The following NELL1 variants were observed in gnomAD, a reference collection of about 807,000 sequenced individuals.
NELL1 encodes the protein protein kinase C-binding protein NELL1.
NELL1 carries 76 observed loss-of-function variants against 107.4 expected under a neutral mutation model. The ratio of observed to expected loss-of-function variants is 0.71; its 90% CI spans 0.59 to 0.86. The LOEUF (loss-of-function observed/expected upper bound fraction) is 0.86. Among genes scored for constraint, NELL1 ranks in the 40% least tolerant of loss-of-function variants. The probability of loss-of-function intolerance (pLI) is 0.00; values close to 1 mark genes in which losing one functional copy is unlikely to be tolerated. For synonymous variants in NELL1, 353 were observed against 341.2 expected, an observed-to-expected ratio of 1.03 and a Z score of -0.38; for missense variants, 1,024 against 1,005.5, an observed-to-expected ratio of 1.02 and a Z score of -0.25.
intron 11 of NELL1, among the ~76,000 whole-genome samples, chr11:20,959,728 G>A (rs780458846): frequency 6.6e-6 from 1 of 152,046 alleles, no homozygotes; most frequent in Non-Finnish European, 1.5e-5. Flanking sequence ...ATACTACTTG[G>A]GTGATATGTG....
intron 13 of NELL1, among the ~76,000 whole-genome samples, chr11:21,220,383 A>G (rs1239527236): frequency 6.6e-6 from 1 of 151,720 alleles, no homozygotes; most frequent in Non-Finnish European, 1.5e-5. Flanking sequence ...CTTTTTTTCT[A>G]TTTCTGTGAA....
chr11:21,488,061 A>ATT (rs1477877638), intron 15 of NELL1, among the ~76,000 whole-genome samples: 344 of 151,914 alleles, frequency 2.3e-3, no homozygotes, highest in African/African-American at 7.9e-3. Context: ...AAAGAGAGAA[A>ATT]CTGACTTCAG....
At chr11:21,169,650 G>C (rs1435772724) in intron 13 of NELL1, 1 of 452,982 alleles carries the variant, frequency 2.2e-6, no homozygotes, top group East Asian at 3.7e-5. Flanking sequence ...AGTATGTTTA[G>C]GCAAACCCCT....
chr11:20,870,314 A>T (rs1231174277), intron 4 of NELL1, among the ~76,000 whole-genome samples: 1 of 152,104 alleles, frequency 6.6e-6, no homozygotes, highest in African/African-American at 2.4e-5. Flanking sequence ...TCTCACTACT[A>T]TGCAGTTTTT....
intron 12 of NELL1, among the ~76,000 whole-genome samples, chr11:21,028,921 C>T (rs1737894309): frequency 6.6e-6 from 1 of 152,118 alleles, no homozygotes; most frequent in Admixed American, 6.6e-5. Flanking sequence ...TCTGCTCTTT[C>T]CCTCTGGTGG....
At chr11:21,254,057 A>G (rs568794712) in intron 14 of NELL1, among the ~76,000 whole-genome samples, 132 of 152,190 alleles carry the variant, frequency 8.7e-4, no homozygotes, top group Non-Finnish European at 1.6e-3. Flanking sequence ...AAGAAAATCC[A>G]TGTAAAGGAA....
chr11:21,484,156 C>T (rs964234028), intron 15 of NELL1, among the ~76,000 whole-genome samples: 1 of 149,316 alleles, frequency 6.7e-6, no homozygotes, highest in Non-Finnish European at 1.5e-5. Context: ...TATAAATTTC[C>T]AAACTTTCCA....
At position 21,491,518 on chromosome 11, in the gene NELL1, C is replaced by T. The variant is rs564970475; in HGVS notation, c.1646-42856C>T. ...AGATCAGATAGTTGTAGATAAGCGGCGCTATTTCTGAGGGCTCTGTTCTGT... is the reference window on the plus strand; with the variant it reads ...AGATCAGATAGTTGTAGATAAGCGGTGCTATTTCTGAGGGCTCTGTTCTGT... On this transcript the variant is annotated intron_variant, in intron 15 of 19. Coordinates refer to ENST00000357134, the MANE Select transcript of NELL1 (RefSeq NM_006157.5). Among the ~76,000 whole-genome samples, 9 of 152,050 alleles carry T rather than the reference C, an allele frequency of 5.9e-5. No individual in the cohort carries two copies. The South Asian group carries it at 6.2e-4, about 11-fold the overall frequency.
At chr11:20,971,202 T>C (rs918289229) in intron 12 of NELL1, among the ~76,000 whole-genome samples, 1 of 152,140 alleles carries the variant, frequency 6.6e-6, no homozygotes, top group Non-Finnish European at 1.5e-5. Flanking sequence ...TTTAGTGATG[T>C]ACCTTCACCT....
intron 2 of NELL1, among the ~76,000 whole-genome samples, chr11:20,710,937 T>C (rs1228954650): frequency 6.6e-6 from 1 of 151,970 alleles, no homozygotes; most frequent in African/African-American, 2.4e-5. Flanking sequence ...TTAACCTTAC[T>C]AATGGTTTCT....
intron 5 of NELL1, among the ~76,000 whole-genome samples, chr11:20,911,565 A>G (rs1850131658): frequency 6.6e-6 from 1 of 152,160 alleles, no homozygotes; most frequent in African/African-American, 2.4e-5. Context: ...GAGACATGAT[A>G]TTTACATGTG....
chr11:20,741,032 A>G (rs56915768), intron 2 of NELL1, among the ~76,000 whole-genome samples: 25,660 of 151,914 alleles, frequency 0.17, 2,310 homozygotes, highest in South Asian at 0.28. Context: ...CTCTGAACTG[A>G]CATGTTTTCT....
intron 12 of NELL1, among the ~76,000 whole-genome samples, chr11:21,082,792 A>C (rs889692013): frequency 1.3e-5 from 2 of 152,156 alleles, no homozygotes; most frequent in African/African-American, 4.8e-5. Context: ...CTTTGTTCTC[A>C]TATCTTCTTC....
intron 14 of NELL1, among the ~76,000 whole-genome samples, chr11:21,354,823 C>G (rs897150397): frequency 1.3e-5 from 2 of 152,148 alleles, no homozygotes; most frequent in African/African-American, 2.4e-5. Flanking sequence ...AATGCTTTTA[C>G]CTGGGAGAGT....
At position 21,057,559 on chromosome 11, in the gene NELL1, G is replaced by T. The variant is rs1474931041; in HGVS notation, c.1301-56030G>T. On this transcript the variant is annotated intron_variant, in intron 12 of 19. Coordinates refer to ENST00000357134, the MANE Select transcript of NELL1 (RefSeq NM_006157.5). ...GTCTTGAAACAATGTTTAACAACAA[G>T]AAACTGGTCAAATGTATTAGTCTAT... is the stretch of plus-strand genomic sequence containing the variant. 2.6e-5 allele frequency among the ~76,000 whole-genome samples: 4 copies of T among 151,732 alleles called. No homozygotes were observed. In the East Asian group the frequency reaches 7.7e-4, roughly 29 times the overall value.
At chr11:21,328,981 G>GT (rs1850210988) in intron 14 of NELL1, among the ~76,000 whole-genome samples, 1 of 152,198 alleles carries the variant, frequency 6.6e-6, no homozygotes, top group African/African-American at 2.4e-5. Context: ...GACTTGCCTT[G>GT]TATCAGATAA....
chr11:20,755,516 T>TA (rs1856240594), intron 2 of NELL1, among the ~76,000 whole-genome samples: 1 of 149,972 alleles, frequency 6.7e-6, no homozygotes, highest in South Asian at 2.1e-4. Context: ...GCATTTCATG[T>TA]AAAAAAGACC....
intron 13 of NELL1, among the ~76,000 whole-genome samples, chr11:21,194,217 C>G (rs767569290): frequency 2.0e-5 from 3 of 149,538 alleles, no homozygotes; most frequent in Admixed American, 6.6e-5. Flanking sequence ...CCTCCAGACT[C>G]TCTAGCACCC....
chr11:20,885,613 C>T (rs1849494334), intron 5 of NELL1, 73 bp downstream of exon 5: 2 of 948,412 alleles, frequency 2.1e-6, no homozygotes, highest in East Asian at 2.5e-5. Context: ...TTTATTGGAG[C>T]CGTGTTTATA....
Sources: gnomAD v4.1 joint callset for allele counts (sites outside exome capture counted in the v4.1 genomes callset) on GRCh38, gnomAD v4.1.1 for gene constraint, MANE v1.5 for transcripts, NCBI Gene and HGNC (gene_info 2026-07-23, HGNC 2026-07-21) for gene names.